CSGALNACT1: variants seen among roughly 807,000 people sequenced by gnomAD.
The protein encoded by CSGALNACT1 is beta4GalNAcT-1.
CSGALNACT1 carries 52 observed loss-of-function variants against 51.0 expected under a neutral mutation model. That is an observed-to-expected ratio of 1.02 (90% CI 0.82 to 1.29). The LOEUF (loss-of-function observed/expected upper bound fraction) is 1.29, where lower values mean the gene tolerates loss of function less well. CSGALNACT1 is among the 50% of genes most tolerant of loss of function. The probability of loss-of-function intolerance (pLI) is 0.00; values close to 1 mark genes in which losing one functional copy is unlikely to be tolerated. For missense variants in CSGALNACT1, 935 were observed against 679.2 expected (o/e 1.38, Z -4.19); for synonymous variants, 341 against 254.4 (o/e 1.34, Z -3.24).
At chr8:19,619,019 T>A (rs1456974262) in intron 1 of CSGALNACT1, among the ~76,000 whole-genome samples, 1 of 152,048 alleles carries the variant, frequency 6.6e-6, no homozygotes, top group South Asian at 2.1e-4. Flanking sequence ...GGCTCTATGA[T>A]GGGGCTACAA....
chr8:19,745,144 G>A (rs1158010662), intron 1 of CSGALNACT1, among the ~76,000 whole-genome samples: 3 of 152,146 alleles, frequency 2.0e-5, no homozygotes, highest in African/African-American at 7.2e-5. Context: ...TTTTGTATGT[G>A]TTGAAAAAAT....
chr8:19,481,344 C>T (rs2071345018), intron 4 of CSGALNACT1, among the ~76,000 whole-genome samples: 1 of 152,152 alleles, frequency 6.6e-6, no homozygotes, highest in South Asian at 2.1e-4. Context: ...TCTACGACGT[C>T]TCATTTTCCC....
chr8:19,435,077 A>G (rs921549166), intron 6 of CSGALNACT1, among the ~76,000 whole-genome samples: 2 of 152,202 alleles, frequency 1.3e-5, no homozygotes, highest in Non-Finnish European at 2.9e-5. Context: ...TAGCATCTCA[A>G]TCTCAGAGAT....
chr8:19,661,955 C>T (rs1410333344), intron 1 of CSGALNACT1, among the ~76,000 whole-genome samples: 2 of 151,840 alleles, frequency 1.3e-5, no homozygotes, highest in Non-Finnish European at 2.9e-5. Flanking sequence ...AGCCTATTTC[C>T]ATAGCAGTCA....
rs35994246 is a variant in CSGALNACT1, at chr8:19,570,092, AT to A, written c.-297+21067del. ...GGAAGGGAGGGTAGATTGGGGGCCT[AT>A]TTTTTTTTTTTGGTTCTAGAAGTGG... On this transcript the variant is annotated intron_variant, in intron 3 of 9. Coordinates refer to ENST00000454498, the Ensembl canonical transcript of CSGALNACT1. 5.8e-3 allele frequency among the ~76,000 whole-genome samples: 842 copies of A among 144,186 alleles called. 2 individuals carry two copies. Among genetic ancestry groups the A allele is most frequent in the East Asian group, 0.023 (113 of 4,928 alleles). The allele number at this position is 144,186 out of a possible 152,430, so 94.6% of individuals were successfully genotyped here.
chr8:19,453,132 T>C (rs115468102), intron 5 of CSGALNACT1, among the ~76,000 whole-genome samples: 308 of 152,122 alleles, frequency 2.0e-3, no homozygotes, highest in African/African-American at 6.8e-3. Flanking sequence ...AGTTAAGAAA[T>C]AGCATCTAAA....
At chr8:19,726,094 C>A (rs964427586) in intron 1 of CSGALNACT1, among the ~76,000 whole-genome samples, 1 of 152,058 alleles carries the variant, frequency 6.6e-6, no homozygotes, top group African/African-American at 2.4e-5. Flanking sequence ...GAAAGTCATG[C>A]GGCCTTGAAT....
exon 4 of CSGALNACT1, chr8:19,506,047 G>A (rs2077273118): frequency 5.7e-6 from 4 of 701,496 alleles, no homozygotes; most frequent in Admixed American, 2.0e-5. Flanking sequence ...GCAGGCAGAA[G>A]CAATGACTGA....
intron 5 of CSGALNACT1, among the ~76,000 whole-genome samples, chr8:19,445,166 C>T (rs1416646939): frequency 6.6e-6 from 1 of 152,192 alleles, no homozygotes; most frequent in Non-Finnish European, 1.5e-5. Flanking sequence ...TGAATCATCA[C>T]CAATCAACAA....
At chr8:19,407,906 TGTGTGTGTGTGTGTGTG>T (rs1344328908) in intron 9 of CSGALNACT1, among the ~76,000 whole-genome samples, 7 of 45,646 alleles carry the variant, frequency 1.5e-4, no homozygotes, top group African/African-American at 7.0e-4. Context: ...GTATATGAAT[TGTGTGTGTGTGTGTGTG>T]TGTGTGTGTG....
intron 6 of CSGALNACT1, among the ~76,000 whole-genome samples, chr8:19,427,532 T>C (rs2058957043): frequency 6.6e-6 from 1 of 152,114 alleles, no homozygotes; most frequent in South Asian, 2.1e-4. Flanking sequence ...CTCATGCTTG[T>C]AATCCCAGCA....
At chr8:19,451,583 C>T (rs2153801938) in intron 5 of CSGALNACT1, among the ~76,000 whole-genome samples, 1 of 152,266 alleles carries the variant, frequency 6.6e-6, no homozygotes, top group Middle Eastern at 3.4e-3. Flanking sequence ...TGCCTCCTTC[C>T]AGAATATACC....
chr8:19,615,831 G>T (rs1435152916), intron 1 of CSGALNACT1, among the ~76,000 whole-genome samples: 1 of 152,130 alleles, frequency 6.6e-6, no homozygotes, highest in Non-Finnish European at 1.5e-5. Context: ...TCCAGAATAT[G>T]AATCAAAAGA....
chr8:19,578,741 C>T (rs1257513492), intron 3 of CSGALNACT1, among the ~76,000 whole-genome samples: 1 of 152,162 alleles, frequency 6.6e-6, no homozygotes, highest in Non-Finnish European at 1.5e-5. Flanking sequence ...CTCAGTCTGA[C>T]TCAGTCTGAC....
Position 19,505,500 on chromosome 8 carries a change from G to T in CSGALNACT1, c.335C>A (p.Pro112His), listed in dbSNP as rs769477297. The T allele has an allele frequency of 1.9e-6, 3 of 1,614,086 alleles. No homozygotes were observed. The South Asian group carries it at 3.3e-5, about 18-fold the overall frequency. The change falls in exon 4 of 10, where the codon CCC (proline) becomes CAC (histidine). Residue 112 changes from proline (P) to histidine (H), a missense_variant. Physicochemically the swap from Pro to His is moderately conservative, Grantham distance 77. Transcript: ENST00000454498. ...GAGGTCGGCCTGGGTTTTCTCTGGG[G>T]GGCTCCTGTCCAGACCCAGGCCAGC...
intron 7 of CSGALNACT1, among the ~76,000 whole-genome samples, chr8:19,419,714 C>A (rs892110384): frequency 3.3e-5 from 5 of 152,196 alleles, no homozygotes; most frequent in African/African-American, 1.2e-4. Context: ...TTCATGAAAG[C>A]TGACCTCCCA....
chr8:19,606,817 T>C (rs565584242), upstream of CSGALNACT1, among the ~76,000 whole-genome samples: 5 of 152,308 alleles, frequency 3.3e-5, no homozygotes, highest in South Asian at 2.1e-4. Context: ...CAGTCCATTA[T>C]TGCCTTAAAG....
At chr8:19,748,489 T>C (rs1273896295) in intron 1 of CSGALNACT1, among the ~76,000 whole-genome samples, 1 of 152,196 alleles carries the variant, frequency 6.6e-6, no homozygotes, top group East Asian at 1.9e-4. Context: ...TTCCCAATGC[T>C]CCTTGACACT....
At chr8:19,532,380 T>C (rs1320594187) in intron 3 of CSGALNACT1, among the ~76,000 whole-genome samples, 1 of 152,102 alleles carries the variant, frequency 6.6e-6, no homozygotes, top group East Asian at 1.9e-4. Flanking sequence ...TGAGGACATA[T>C]GAGCCCGGTA....
Sources: gnomAD v4.1 joint callset for allele counts (sites outside exome capture counted in the v4.1 genomes callset) on GRCh38, gnomAD v4.1.1 for gene constraint, MANE v1.5 for transcripts, NCBI Gene and HGNC (gene_info 2026-07-23, HGNC 2026-07-21) for gene names.